EFHC2: variants seen among roughly 807,000 people sequenced by gnomAD.
EFHC2 encodes the protein EF-hand domain-containing family member C2.
A neutral mutation model predicts 52.7 loss-of-function variants in EFHC2; 18 were observed. The ratio of observed to expected loss-of-function variants is 0.34; its 90% confidence interval spans 0.24 to 0.51. The LOEUF (loss-of-function observed/expected upper bound fraction) is 0.51, where lower values mean the gene tolerates loss of function less well. EFHC2 is among the 20% of genes least tolerant of loss of function. The pLI is 0.97. For missense variants in EFHC2, 513 were observed against 562.5 expected, an observed-to-expected ratio of 0.91 and a Z score of 0.89; for synonymous variants, 203 against 204.1, an observed-to-expected ratio of 0.99 and a Z score of 0.04.
intron 1 of EFHC2, among the ~76,000 whole-genome samples, chrX:44,341,914 T>A (rs1465446387): frequency 8.9e-6 from 1 of 112,716 alleles, no homozygotes; most frequent in Non-Finnish European, 1.9e-5. Context: ...CTTCCCATCC[T>A]TAATCACTGC....
chrX:44,303,779 T>A (rs2037884978), intron 2 of EFHC2, among the ~76,000 whole-genome samples: 1 of 111,924 alleles, frequency 8.9e-6, no homozygotes, highest in African/African-American at 3.3e-5. Flanking sequence ...TCGATGTCAA[T>A]TAATGTAAGT....
At chrX:44,322,195 G>GATTC (rs775129745) in intron 1 of EFHC2, among the ~76,000 whole-genome samples, 3 of 111,147 alleles carry the variant, frequency 2.7e-5, no homozygotes, top group African/African-American at 6.6e-5. Flanking sequence ...GTTCATTCTT[G>GATTC]ATTCATTCAT....
intron 2 of EFHC2, among the ~76,000 whole-genome samples, chrX:44,289,807 G>A (rs1020347190): frequency 3.9e-5 from 4 of 103,675 alleles, no homozygotes; most frequent in South Asian, 4.7e-4. Flanking sequence ...TCAGCCTCCC[G>A]AATAGCTGGG....
chrX:44,239,997 G>A, intron 8 of EFHC2, among the ~76,000 whole-genome samples: 1 of 111,858 alleles, frequency 8.9e-6, no homozygotes, highest in Admixed American at 9.5e-5. Context: ...ATGACTCATA[G>A]ATCAGCATTA....
intron 4 of EFHC2, among the ~76,000 whole-genome samples, chrX:44,253,928 A>G (rs749580963): frequency 1.1e-4 from 12 of 112,533 alleles, no homozygotes; most frequent in Non-Finnish European, 1.5e-4. Flanking sequence ...AGGAACAGGT[A>G]GCAATCTTTG....
chrX:44,300,329 G>C (rs2037859330), intron 2 of EFHC2, among the ~76,000 whole-genome samples: 1 of 111,293 alleles, frequency 9.0e-6, no homozygotes, highest in South Asian at 3.8e-4. Context: ...GAGGCAGCAA[G>C]AGGGTAGTCA....
At chrX:44,313,685 G>A (rs1469728592) in intron 1 of EFHC2, among the ~76,000 whole-genome samples, 1 of 111,659 alleles carries the variant, frequency 9.0e-6, no homozygotes, top group African/African-American at 3.3e-5. Flanking sequence ...CAGGCACAGT[G>A]GCTCACACCT....
intron 2 of EFHC2, among the ~76,000 whole-genome samples, chrX:44,291,939 A>G (rs2037794836): frequency 8.9e-6 from 1 of 112,002 alleles, no homozygotes; most frequent in Admixed American, 9.5e-5. Flanking sequence ...TATTACTAAG[A>G]GAAGAGATTC....
chrX:44,150,438 G>T (rs183721209), intron 14 of EFHC2, among the ~76,000 whole-genome samples: 145 of 111,746 alleles, frequency 1.3e-3, no homozygotes, highest in Non-Finnish European at 2.0e-3. Context: ...TGGCAAGAGA[G>T]ATGGTTAGAA....
intron 2 of EFHC2, among the ~76,000 whole-genome samples, chrX:44,276,982 C>T (rs895090847): frequency 3.6e-5 from 4 of 111,511 alleles, no homozygotes; most frequent in African/African-American, 1.3e-4. Context: ...CAGCTGAGGC[C>T]GGGCACGGTG....
At chrX:44,316,107 C>T (rs1448983076) in intron 1 of EFHC2, among the ~76,000 whole-genome samples, 3 of 111,631 alleles carry the variant, frequency 2.7e-5, no homozygotes, top group Non-Finnish European at 5.6e-5. Flanking sequence ...ATGGAAAAAG[C>T]CCTTGCCACC....
At chrX:44,162,402 G>A (rs1007078642) in intron 14 of EFHC2, among the ~76,000 whole-genome samples, 1 of 111,324 alleles carries the variant, frequency 9.0e-6, no homozygotes, top group African/African-American at 3.3e-5. Flanking sequence ...CAGCCTGGGC[G>A]ACAGAGTGAG....
intron 14 of EFHC2, among the ~76,000 whole-genome samples, chrX:44,158,605 G>C (rs965980977): frequency 2.7e-5 from 3 of 110,846 alleles, no homozygotes; most frequent in Non-Finnish European, 5.7e-5. Flanking sequence ...ACATGTGACT[G>C]GCTGGCTATG....
intron 3 of EFHC2, among the ~76,000 whole-genome samples, chrX:44,271,926 C>T: frequency 8.9e-6 from 1 of 112,004 alleles, no homozygotes; most frequent in East Asian, 2.8e-4. Flanking sequence ...GACAAATATC[C>T]CTTTTCACTA....
intron 10 of EFHC2, among the ~76,000 whole-genome samples, chrX:44,231,655 G>T (rs2037278474): frequency 9.0e-6 from 1 of 111,172 alleles, no homozygotes; most frequent in African/African-American, 3.3e-5. Context: ...TGTACACAGA[G>T]ACATCAATCT....
At chrX:44,149,116 T>C (rs1448865) in intron 14 of EFHC2, among the ~76,000 whole-genome samples, 55,308 of 110,821 alleles carry the variant, frequency 0.5, 10,427 homozygotes, top group African/African-American at 0.68. Context: ...TAGAACCTCC[T>C]GTGGAGTAAG....
chrX:44,310,491 A>T (rs903852136), intron 2 of EFHC2: 2 of 536,801 alleles, frequency 3.7e-6, no homozygotes, highest in Admixed American at 8.1e-5. Flanking sequence ...GTAGCGCGGC[A>T]AAGGAGAGTG....
intron 11 of EFHC2, among the ~76,000 whole-genome samples, chrX:44,213,088 A>T (rs2037113526): frequency 9.0e-6 from 1 of 110,798 alleles, no homozygotes; most frequent in Admixed American, 9.7e-5. Context: ...AAGGCAAAAA[A>T]AAAAAAAAAA....
rs763565690 is a variant in EFHC2, at chrX:44,261,286, C to T, written c.395G>A (p.Arg132Gln). 3 of 1,181,891 alleles carry T rather than the reference C, an allele frequency of 2.5e-6. No individual in the cohort carries two copies. Among genetic ancestry groups the T allele is most frequent in the South Asian group, 2.0e-5 (1 of 51,123 alleles). Reference sequence around the variant, plus strand: ...AGGCGGAAGAGTAATCCGATGACGCCGGATAGAAGTCCCTATGGCATGAAA... The same window carrying T: ...AGGCGGAAGAGTAATCCGATGACGCTGGATAGAAGTCCCTATGGCATGAAA... ...NSGLLQGTSIRRHRITLPPPD... is the reference protein window; with the variant it reads ...NSGLLQGTSIQRHRITLPPPD... The change falls in exon 4 of 15, where the codon CGG (arginine) becomes CAG (glutamine). Residue 132 changes from arginine to glutamine, a missense_variant. By Grantham distance (43) the Arg-to-Gln change is conservative (BLOSUM62 1). Coordinates refer to ENST00000420999, the MANE Select transcript of EFHC2 (RefSeq NM_025184.4).
Sources: allele counts gnomAD v4.1 joint callset (sites outside exome capture counted in the v4.1 genomes callset), GRCh38; gene constraint gnomAD v4.1.1; transcripts MANE v1.5; gene names NCBI Gene and HGNC (gene_info 2026-07-23, HGNC 2026-07-21).